TTC28: variants seen among roughly 807,000 people sequenced by gnomAD.
TTC28 encodes tetratricopeptide repeat domain 28.
A neutral mutation model predicts 198.0 loss-of-function variants in TTC28; 61 were observed. The ratio of observed to expected loss-of-function variants is 0.31; its 90% CI spans 0.25 to 0.38. The LOEUF is 0.38. Ranked by LOEUF, TTC28 falls within the 10% of genes least tolerant of loss-of-function variation. The pLI, the probability that TTC28 is intolerant of heterozygous loss-of-function variation, is 1.00. For missense variants in TTC28, 2,678 were observed against 3,164.0 expected, an observed-to-expected ratio of 0.85 and a Z score of 3.69; for synonymous variants, 1,171 against 1,297.8, an observed-to-expected ratio of 0.90 and a Z score of 2.10.
At chr22:28,374,135 T>C (rs2046376413) in intron 2 of TTC28, among the ~76,000 whole-genome samples, 1 of 152,190 alleles carries the variant, frequency 6.6e-6, no homozygotes, top group Non-Finnish European at 1.5e-5. Flanking sequence ...AGCTTTATAC[T>C]GAAAAGAAAA....
intron 2 of TTC28, among the ~76,000 whole-genome samples, chr22:28,333,534 TC>T (rs1450825600): frequency 6.6e-6 from 1 of 152,040 alleles, no homozygotes; most frequent in African/African-American, 2.4e-5. Context: ...GGGAGTAACT[TC>T]CATATGAAAA....
intron 6 of TTC28, among the ~76,000 whole-genome samples, chr22:28,131,020 G>C (rs935965760): frequency 6.6e-6 from 1 of 152,196 alleles, no homozygotes; most frequent in African/African-American, 2.4e-5. Context: ...GTCATGAGGT[G>C]ATTCTGACTA....
chr22:28,084,193 G>A (rs973913492), intron 12 of TTC28, among the ~76,000 whole-genome samples: 1 of 152,244 alleles, frequency 6.6e-6, no homozygotes, highest in Non-Finnish European at 1.5e-5. Flanking sequence ...CCTGAGATCT[G>A]AGAAAGGGCA....
chr22:28,591,959 G>A (rs769861779), intron 2 of TTC28, among the ~76,000 whole-genome samples: 3 of 152,166 alleles, frequency 2.0e-5, no homozygotes, highest in Admixed American at 6.5e-5. Flanking sequence ...AGAGGGCGGA[G>A]CTGGGGGGAG....
chr22:28,324,224 G>A (rs1169122436), intron 2 of TTC28, among the ~76,000 whole-genome samples: 1 of 152,110 alleles, frequency 6.6e-6, no homozygotes, highest in African/African-American at 2.4e-5. Context: ...GGCCGAGGTA[G>A]GTGGATCACT....
At chr22:28,045,483 G>A (rs9620764) in intron 12 of TTC28, among the ~76,000 whole-genome samples, 12,099 of 152,188 alleles carry the variant, frequency 0.08, 514 homozygotes, top group South Asian at 0.091. Context: ...TCTTCTTCAT[G>A]GGTAAAATAG....
At chr22:28,475,433 C>G (rs1312034490) in intron 2 of TTC28, among the ~76,000 whole-genome samples, 1 of 152,034 alleles carries the variant, frequency 6.6e-6, no homozygotes. Context: ...GGAGAAAACC[C>G]ACACCGACAT....
intron 2 of TTC28, among the ~76,000 whole-genome samples, chr22:28,439,218 A>G (rs2146220837): frequency 6.6e-6 from 1 of 152,356 alleles, no homozygotes; most frequent in East Asian, 1.9e-4. Flanking sequence ...ATATACACAA[A>G]TAGAGATATA....
At chr22:28,321,484 C>G (rs1601625782) in intron 2 of TTC28, among the ~76,000 whole-genome samples, 1 of 152,126 alleles carries the variant, frequency 6.6e-6, no homozygotes, top group East Asian at 1.9e-4. Context: ...ACCATTAATT[C>G]TTTTATCAAG....
chr22:28,613,839 A>C (rs1397842105), intron 2 of TTC28, among the ~76,000 whole-genome samples: 2 of 152,236 alleles, frequency 1.3e-5, no homozygotes, highest in Non-Finnish European at 2.9e-5. Flanking sequence ...CCAATGTCAT[A>C]CTGAATGGGC....
At chr22:28,597,958 G>A (rs2146109784) in intron 2 of TTC28, among the ~76,000 whole-genome samples, 1 of 151,858 alleles carries the variant, frequency 6.6e-6, no homozygotes, top group Admixed American at 6.6e-5. Context: ...CACCTCCTGA[G>A]CTCAAGCAAT....
At chr22:28,588,534 G>A (rs1254568868) in intron 2 of TTC28, among the ~76,000 whole-genome samples, 1 of 152,144 alleles carries the variant, frequency 6.6e-6, no homozygotes, top group Non-Finnish European at 1.5e-5. Flanking sequence ...CTTGATTACT[G>A]GAAGCAGACA....
At chr22:28,366,391 G>C (rs1281004472) in intron 2 of TTC28, among the ~76,000 whole-genome samples, 1 of 151,878 alleles carries the variant, frequency 6.6e-6, no homozygotes, top group African/African-American at 2.4e-5. Context: ...TTCTTACTTA[G>C]TGAGTTCTAG....
At chr22:28,372,426 C>T (rs866439881) in intron 2 of TTC28, among the ~76,000 whole-genome samples, 2 of 152,216 alleles carry the variant, frequency 1.3e-5, no homozygotes, top group Middle Eastern at 3.4e-3. Flanking sequence ...ATTTCACTCA[C>T]CCACATGGCA....
At chr22:28,514,787 T>C (rs140840038) in intron 2 of TTC28, among the ~76,000 whole-genome samples, 63 of 152,292 alleles carry the variant, frequency 4.1e-4, no homozygotes, top group African/African-American at 1.4e-3. Context: ...ACCTTTCCTA[T>C]AGACCACCAA....
At chr22:28,300,620 T>C (rs2045000126) in intron 3 of TTC28, among the ~76,000 whole-genome samples, 1 of 152,072 alleles carries the variant, frequency 6.6e-6, no homozygotes, top group Non-Finnish European at 1.5e-5. Context: ...AAACATGCTA[T>C]AAGAGTTTGG....
chr22:28,048,515 G>C (rs1939955594), intron 12 of TTC28, among the ~76,000 whole-genome samples: 1 of 151,982 alleles, frequency 6.6e-6, no homozygotes, highest in Admixed American at 6.6e-5. Flanking sequence ...GGTCGGGGTG[G>C]GGCTAAGAAA....
chr22:28,405,425 A>G (rs960183001), intron 2 of TTC28, among the ~76,000 whole-genome samples: 1 of 152,210 alleles, frequency 6.6e-6, no homozygotes, highest in African/African-American at 2.4e-5. Flanking sequence ...AAGGAGAAGC[A>G]TTTATAAATG....
chr22:28,469,145 C>T (rs538530469), intron 2 of TTC28, among the ~76,000 whole-genome samples: 65 of 152,274 alleles, frequency 4.3e-4, no homozygotes, highest in African/African-American at 1.5e-3. Context: ...GGGTTGGACA[C>T]TTGACCAAAT....
Sources: gnomAD v4.1 joint callset for allele counts (sites outside exome capture counted in the v4.1 genomes callset) on GRCh38, gnomAD v4.1.1 for gene constraint, MANE v1.5 for transcripts, NCBI Gene and HGNC (gene_info 2026-07-23, HGNC 2026-07-21) for gene names.